The following NRG1 variants were observed in gnomAD, a reference collection of about 807,000 sequenced individuals.
The protein encoded by NRG1 is pro-neuregulin-1, membrane-bound isoform.
NRG1 carries 18 observed loss-of-function variants against 63.8 expected under a neutral mutation model. The ratio of observed to expected loss-of-function variants is 0.28; its 90% CI spans 0.19 to 0.42. The LOEUF (loss-of-function observed/expected upper bound fraction) is 0.42, where lower values mean the gene tolerates loss of function less well. NRG1 is among the 10% of genes least tolerant of loss of function. The pLI, the probability that NRG1 is intolerant of heterozygous loss-of-function variation, is 1.00. For missense variants in NRG1, 762 were observed against 814.7 expected, an observed-to-expected ratio of 0.94 and a Z score of 0.79; for synonymous variants, 302 against 301.3, an observed-to-expected ratio of 1.00 and a Z score of -0.02.
At chr8:31,707,718 T>G (rs561627153) in intron 1 of NRG1, among the ~76,000 whole-genome samples, 2 of 152,294 alleles carry the variant, frequency 1.3e-5, no homozygotes, top group Non-Finnish European at 2.9e-5. Context: ...TCTCTTGGTA[T>G]TCTATCTTTT....
intron 5 of NRG1, among the ~76,000 whole-genome samples, chr8:32,711,223 G>GC (rs1817720497): frequency 7.4e-6 from 1 of 135,748 alleles, no homozygotes; most frequent in Non-Finnish European, 1.6e-5. Flanking sequence ...TTCAGCCTCA[G>GC]TTTTTTTTTT....
Position 32,736,113 on chromosome 8 carries a change from T to A in NRG1, c.633-6562T>A, listed in dbSNP as rs111913137. On this transcript the variant is annotated intron_variant, in intron 6 of 11. Coordinates refer to ENST00000356819, the Ensembl canonical transcript of NRG1. Reference sequence around the variant, plus strand: ...AACATTTTATATTTAATATTTTCTTTAATGATGTTAAAGAAGGCATTCCCT... The same window carrying A: ...AACATTTTATATTTAATATTTTCTTAAATGATGTTAAAGAAGGCATTCCCT... Among the ~76,000 whole-genome samples, 928 of 152,306 alleles carry A rather than the reference T, an allele frequency of 6.1e-3. 6 individuals carry two copies. The highest frequency in any genetic ancestry group is 9.1e-3 in the Non-Finnish European group (622 of 68,028).
At chr8:32,107,845 CTT>C (rs1831477131) in intron 1 of NRG1, among the ~76,000 whole-genome samples, 2 of 152,192 alleles carry the variant, frequency 1.3e-5, no homozygotes, top group South Asian at 4.1e-4. Context: ...CCTGAAGGCT[CTT>C]TTGAAATATG....
chr8:32,771,334 C>T (rs1027986804), downstream of NRG1, among the ~76,000 whole-genome samples: 15 of 141,608 alleles, frequency 1.1e-4, no homozygotes, highest in African/African-American at 4.0e-4. Flanking sequence ...CTATGTTGCC[C>T]AGGCTGGTCT....
chr8:32,243,269 C>CA (rs1848291860), intron 1 of NRG1, among the ~76,000 whole-genome samples: 1 of 151,858 alleles, frequency 6.6e-6, no homozygotes, highest in East Asian at 1.9e-4. Flanking sequence ...CAAAATAATA[C>CA]AAAAATTAGC....
At chr8:32,165,844 A>G (rs1216971474) in intron 1 of NRG1, among the ~76,000 whole-genome samples, 1 of 152,172 alleles carries the variant, frequency 6.6e-6, no homozygotes, top group African/African-American at 2.4e-5. Context: ...AAGTGGTGTG[A>G]AAGATACCAA....
chr8:32,434,890 A>C (rs117956330), intron 1 of NRG1, among the ~76,000 whole-genome samples: 23 of 152,330 alleles, frequency 1.5e-4, no homozygotes, highest in Non-Finnish European at 2.1e-4. Flanking sequence ...GAGACCATGT[A>C]AAGTATATGG....
At chr8:32,233,557 ATATATATTTT>A (rs376851198) in intron 1 of NRG1, among the ~76,000 whole-genome samples, 7,196 of 73,710 alleles carry the variant, frequency 0.098, 240 homozygotes, top group Admixed American at 0.15. Flanking sequence ...ATATATATAT[ATATATATTTT>A]TTTTTTTTTT....
chr8:32,510,433 C>A (rs1789040565), intron 1 of NRG1, among the ~76,000 whole-genome samples: 1 of 151,842 alleles, frequency 6.6e-6, no homozygotes. Flanking sequence ...GGAAAAAGAA[C>A]AATATTTACA....
At chr8:31,830,540 A>G (rs1247189652) in intron 1 of NRG1, among the ~76,000 whole-genome samples, 1 of 152,164 alleles carries the variant, frequency 6.6e-6, no homozygotes, top group African/African-American at 2.4e-5. Context: ...TCATGGAGGT[A>G]GGGTTGATTT....
intron 1 of NRG1, among the ~76,000 whole-genome samples, chr8:32,517,035 A>G (rs1283130406): frequency 1.3e-5 from 2 of 152,212 alleles, no homozygotes; most frequent in East Asian, 3.9e-4. Flanking sequence ...TCTATAAGTA[A>G]AAATGAGTAA....
chr8:32,736,397 G>A (rs552839236), intron 6 of NRG1, among the ~76,000 whole-genome samples: 2 of 152,318 alleles, frequency 1.3e-5, no homozygotes, highest in East Asian at 1.9e-4. Flanking sequence ...TTTGCAACAC[G>A]ATACTGTAGG....
At chr8:32,552,377 C>T (rs943187640) in intron 1 of NRG1, among the ~76,000 whole-genome samples, 3 of 152,014 alleles carry the variant, frequency 2.0e-5, no homozygotes, top group African/African-American at 4.8e-5. Flanking sequence ...CATGCCTAGC[C>T]AGATTCTAGA....
intron 1 of NRG1, among the ~76,000 whole-genome samples, chr8:32,144,830 G>T (rs1237618948): frequency 2.6e-5 from 4 of 152,120 alleles, no homozygotes; most frequent in Non-Finnish European, 4.4e-5. Flanking sequence ...ATCCTGGGTT[G>T]CCTGTTTCCT....
At chr8:31,767,750 G>T (rs1818212437) in intron 1 of NRG1, among the ~76,000 whole-genome samples, 1 of 149,734 alleles carries the variant, frequency 6.7e-6, no homozygotes, top group African/African-American at 2.5e-5. Context: ...TAAGGCTGGA[G>T]AATTGATTGA....
intron 1 of NRG1, among the ~76,000 whole-genome samples, chr8:32,387,030 G>A (rs2129483711): frequency 6.6e-6 from 1 of 152,288 alleles, no homozygotes; most frequent in East Asian, 1.9e-4. Context: ...CTGAACAGTT[G>A]TGTGCTCTAT....
intron 1 of NRG1, among the ~76,000 whole-genome samples, chr8:32,323,282 A>C (rs902086615): frequency 6.6e-6 from 1 of 152,158 alleles, no homozygotes; most frequent in African/African-American, 2.4e-5. Context: ...TGAAATTCCT[A>C]TTCTTAGTTA....
intron 5 of NRG1, among the ~76,000 whole-genome samples, chr8:32,707,954 T>C (rs1816846292): frequency 6.6e-6 from 1 of 152,060 alleles, no homozygotes; most frequent in African/African-American, 2.4e-5. Context: ...ATGAAGTATT[T>C]TTTTTAATCT....
At chr8:32,375,859 G>A (rs1809555261) in intron 1 of NRG1, among the ~76,000 whole-genome samples, 1 of 152,180 alleles carries the variant, frequency 6.6e-6, no homozygotes. Flanking sequence ...ACCATGGCCA[G>A]CAATGCACAA....
Sources: allele counts gnomAD v4.1 joint callset (sites outside exome capture counted in the v4.1 genomes callset), GRCh38; gene constraint gnomAD v4.1.1; transcripts MANE v1.5; gene names NCBI Gene and HGNC (gene_info 2026-07-23, HGNC 2026-07-21).